COP1: variants seen among roughly 807,000 people sequenced by gnomAD.
COP1 encodes the protein COP1 E3 ubiquitin ligase, also known as E3 ubiquitin-protein ligase COP1.
Under a neutral mutation model 101.3 loss-of-function variants are expected in COP1, and 24 were observed. That is an observed-to-expected ratio of 0.24 (90% confidence interval 0.17 to 0.33). COP1 has a LOEUF of 0.33. Among genes scored for constraint, COP1 ranks in the 10% least tolerant of loss-of-function variants. The probability of loss-of-function intolerance (pLI) is 1.00; values close to 1 mark genes in which losing one functional copy is unlikely to be tolerated. For missense variants in COP1, 663 were observed against 906.2 expected (o/e 0.73, Z 3.45); for synonymous variants, 347 against 341.9 (o/e 1.01, Z -0.17).
chr1:175,955,767 C>CACACACACACACAA (rs1650558583), intron 18 of COP1, among the ~76,000 whole-genome samples: 1 of 1,618 alleles, frequency 6.2e-4, no homozygotes, highest in Non-Finnish European at 1.4e-3. Flanking sequence ...AGAGACAAAC[C>CACACACACACACAA]ACACACACAC....
chr1:176,058,130 T>G (rs1456497371), intron 11 of COP1, among the ~76,000 whole-genome samples: 92 of 9,790 alleles, frequency 9.4e-3, no homozygotes, highest in Non-Finnish European at 0.022. Context: ...GGGAGGGAGG[T>G]GGGGTGGGGG....
rs144470747 is a variant in COP1, at chr1:176,037,499, C to T, written c.1612+5687G>A. ...CAGCATTACCCTGATATCAAAGTCA[C>T]GAAAAATTACAAAAACAGAAAAAAA... On this transcript the variant is annotated intron_variant, in intron 14 of 19. Coordinates refer to ENST00000367669, the MANE Select transcript of COP1 (RefSeq NM_022457.7). 2.8e-3 allele frequency among the ~76,000 whole-genome samples: 408 copies of T among 147,786 alleles called. 4 individuals carry two copies. Among genetic ancestry groups the T allele is most frequent in the African/African-American group, 9.7e-3 (389 of 40,266 alleles).
At chr1:176,032,442 G>A (rs1161629176) in intron 14 of COP1, among the ~76,000 whole-genome samples, 1 of 152,168 alleles carries the variant, frequency 6.6e-6, no homozygotes, top group East Asian at 1.9e-4. Flanking sequence ...CTGCCCTAAA[G>A]CTTAGCTACT....
intron 18 of COP1, among the ~76,000 whole-genome samples, chr1:175,961,396 CT>C (rs1571260893): frequency 6.6e-6 from 1 of 152,288 alleles, no homozygotes; most frequent in East Asian, 1.9e-4. Context: ...TTTCATGCCA[CT>C]TTATTCATCC....
intron 11 of COP1, among the ~76,000 whole-genome samples, chr1:176,056,520 G>C (rs1276734978): frequency 6.6e-6 from 1 of 152,158 alleles, no homozygotes; most frequent in Admixed American, 6.5e-5. Context: ...GCGTGTGTGT[G>C]TGTGTGTAAG....
intron 10 of COP1, among the ~76,000 whole-genome samples, chr1:176,084,289 T>C (rs527654709): frequency 6.6e-6 from 1 of 152,256 alleles, no homozygotes; most frequent in South Asian, 2.1e-4. Context: ...AATCTTAATA[T>C]CCAGAAATTG....
chr1:176,122,482 T>C (rs1343293752), intron 8 of COP1, among the ~76,000 whole-genome samples: 1 of 152,190 alleles, frequency 6.6e-6, no homozygotes. Context: ...ACTTAAGGAA[T>C]GCAAGGTTAG....
At chr1:175,966,484 T>C (rs1652054279) in intron 18 of COP1, among the ~76,000 whole-genome samples, 1 of 152,206 alleles carries the variant, frequency 6.6e-6, no homozygotes, top group African/African-American at 2.4e-5. Flanking sequence ...TTAGACTTAA[T>C]AACTTGTCCA....
intron 9 of COP1, among the ~76,000 whole-genome samples, chr1:176,097,136 A>G (rs1682538355): frequency 6.6e-6 from 1 of 152,220 alleles, no homozygotes; most frequent in Non-Finnish European, 1.5e-5. Flanking sequence ...ATTTTCTTAA[A>G]GAACACTCAG....
At chr1:176,023,735 A>AAAAAAAG (rs1553225858) in intron 15 of COP1, among the ~76,000 whole-genome samples, 66 of 107,414 alleles carry the variant, frequency 6.1e-4, no homozygotes, top group African/African-American at 1.9e-3. Flanking sequence ...AAAAAAAAAA[A>AAAAAAAG]AAAAGAAAAG....
intron 17 of COP1, 23 bp from the exon 18 acceptor site, chr1:175,987,126 G>C: frequency 8.0e-7 from 1 of 1,243,946 alleles, no homozygotes; most frequent in Non-Finnish European, 1.1e-6. Flanking sequence ...AATAATAATA[G>C]TATTTTAGAA....
chr1:176,048,887 T>G (rs543316369), intron 11 of COP1, among the ~76,000 whole-genome samples: 1 of 152,260 alleles, frequency 6.6e-6, no homozygotes, highest in South Asian at 2.1e-4. Context: ...TCAAAAGAAT[T>G]AAGGGCCGGG....
At chr1:176,183,133 A>C (rs972489879) in intron 2 of COP1, among the ~76,000 whole-genome samples, 1 of 152,234 alleles carries the variant, frequency 6.6e-6, no homozygotes, top group African/African-American at 2.4e-5. Flanking sequence ...AAGCTTTTTA[A>C]GTGACTAGCA....
At chr1:176,198,424 C>T (rs1280600881) in intron 1 of COP1, among the ~76,000 whole-genome samples, 2 of 152,062 alleles carry the variant, frequency 1.3e-5, no homozygotes, top group South Asian at 2.1e-4. Flanking sequence ...ATTAATGAAG[C>T]CTTCAACCCT....
chr1:176,111,588 C>T (rs980058795), intron 9 of COP1, among the ~76,000 whole-genome samples: 13 of 152,212 alleles, frequency 8.5e-5, no homozygotes, highest in Non-Finnish European at 2.9e-5. Context: ...CCACCACACC[C>T]AGCCCCTAAG....
Position 175,960,465 on chromosome 1 carries a change from A to T in COP1, c.2134-13226T>A, listed in dbSNP as rs141293850. Among the ~76,000 whole-genome samples, 399 of 152,332 alleles carry T rather than the reference A, an allele frequency of 2.6e-3. 3 individuals carry two copies. Among genetic ancestry groups the T allele is most frequent in the African/African-American group, 9.2e-3 (381 of 41,582 alleles). On this transcript the variant is annotated intron_variant, in intron 18 of 19. Transcript: ENST00000367669. Reference sequence around the variant, plus strand: ...AGTGAGGGAAAATTGCTTCTGGCTTAGCAGTTCAAGGAAGGCAAGCAAAGG... The same window carrying T: ...AGTGAGGGAAAATTGCTTCTGGCTTTGCAGTTCAAGGAAGGCAAGCAAAGG...
Position 176,207,085 on chromosome 1 carries a change from C to G in COP1, c.-107G>C. The G allele has an allele frequency of 2.1e-6, 2 of 931,640 alleles. No individual in the cohort carries two copies. Among genetic ancestry groups the G allele is most frequent in the South Asian group, 5.4e-5 (2 of 37,160 alleles). 57.7% of individuals were successfully genotyped at this position (931,640 alleles called of 1,614,324 possible). A position where few individuals can be genotyped will look rare whatever the true frequency, so the allele number is the denominator to read the frequency against. On this transcript the variant is annotated 5_prime_UTR_variant, in exon 1 of 20. Transcript: ENST00000367669. ...CTCAGTGCATCCTGAGGACGCCCGC[C>G]GAGCCGGAGGTGGGGCTGAGGAACA...
intron 12 of COP1, among the ~76,000 whole-genome samples, chr1:176,044,683 T>C (rs910767512): frequency 6.6e-6 from 1 of 152,228 alleles, no homozygotes. Context: ...TGTTACTTAT[T>C]AGCTGTGGCT....
intron 18 of COP1, chr1:175,968,441 CCAGA>C: frequency 3.9e-6 from 2 of 519,004 alleles, no homozygotes; most frequent in South Asian, 1.4e-5. Flanking sequence ...CTGTCCTAAG[CCAGA>C]CAGAGACCTC....
Sources: gnomAD v4.1 joint callset for allele counts (sites outside exome capture counted in the v4.1 genomes callset) on GRCh38, gnomAD v4.1.1 for gene constraint, MANE v1.5 for transcripts, NCBI Gene and HGNC (gene_info 2026-07-23, HGNC 2026-07-21) for gene names.